NASP: variants seen among roughly 807,000 people sequenced by gnomAD.
The protein encoded by NASP is nuclear autoantigenic sperm protein.
NASP carries 24 observed loss-of-function variants against 89.5 expected under a neutral mutation model. That is an observed-to-expected ratio of 0.27 (90% confidence interval 0.19 to 0.38). NASP has a LOEUF of 0.38. Ranked by LOEUF, NASP falls within the 10% of genes least tolerant of loss-of-function variation. The pLI is 1.00. For synonymous variants in NASP, 306 were observed against 324.7 expected (o/e 0.94, Z 0.62); for missense variants, 848 against 921.4 (o/e 0.92, Z 1.03).
At chr1:45,616,577 T>C (rs765711462) in intron 12 of NASP, 49 bp from the exon 13 acceptor site, 10 of 1,577,638 alleles carry the variant, frequency 6.3e-6, no homozygotes, top group East Asian at 2.2e-5. Context: ...AGCCTCAGCA[T>C]TGATCTCATA....
chr1:45,586,267 TGTGTGTGTGTGTGTGTG>T (rs1288022492), intron 1 of NASP, among the ~76,000 whole-genome samples: 42 of 59,594 alleles, frequency 7.0e-4, no homozygotes, highest in East Asian at 2.6e-3. Context: ...TGTGTGTGTG[TGTGTGTGTGTGTGTGTG>T]GTGTGTGTGT....
At chr1:45,585,124 C>G (rs1187037278) in intron 1 of NASP, among the ~76,000 whole-genome samples, 1 of 152,214 alleles carries the variant, frequency 6.6e-6, no homozygotes, top group Non-Finnish European at 1.5e-5. Flanking sequence ...GAAAGCGGCA[C>G]AGTGCCACTC....
At chr1:45,585,918 C>T (rs900828758) in intron 1 of NASP, among the ~76,000 whole-genome samples, 1 of 152,144 alleles carries the variant, frequency 6.6e-6, no homozygotes, top group African/African-American at 2.4e-5. Context: ...AGGTTACAGG[C>T]GTGAGGCACG....
At chr1:45,591,014 T>C (rs143468725) in intron 1 of NASP, among the ~76,000 whole-genome samples, 2 of 152,228 alleles carry the variant, frequency 1.3e-5, no homozygotes, top group Non-Finnish European at 2.9e-5. Context: ...GTTATAGCTG[T>C]GAAGTTGCCA....
chr1:45,591,070 T>G (rs963812533), intron 1 of NASP, among the ~76,000 whole-genome samples, 153 bp from the exon 2 acceptor site: 1 of 152,252 alleles, frequency 6.6e-6, no homozygotes, highest in Non-Finnish European at 1.5e-5. Context: ...ATTAAATGAA[T>G]TAAATTTGAT....
In NASP at chr1:45,586,298, T is replaced by TGTGTGTGTG. The variant is rs1557646720; in HGVS notation, c.59+2094_59+2102dup. Among the ~76,000 whole-genome samples the TGTGTGTGTG allele has an allele frequency of 1.9e-3, 186 of 96,636 alleles. 1 individual carries two copies. The highest frequency in any genetic ancestry group is 4.6e-3 in the African/African-American group (106 of 23,144). 63.4% of individuals were successfully genotyped at this position (96,636 alleles called of 152,430 possible). On this transcript the variant is annotated intron_variant, in intron 1 of 14. Transcript: ENST00000350030. ...TGTGTGTGTGTGGTGTGTGTGTGTGTGTGTGTGTGTGGTGTGTGTGTGTGT... is the reference window on the plus strand; with the variant it reads ...TGTGTGTGTGTGGTGTGTGTGTGTGTGTGTGTGTGGTGTGTGTGTGGTGTGTGTGTGTGT...
chr1:45,607,114 C>G (rs1215680645), intron 5 of NASP: 14 of 568,528 alleles, frequency 2.5e-5, no homozygotes, highest in Non-Finnish European at 3.7e-5. Context: ...CCTAGTGTAA[C>G]AAGCTTGGGT....
intron 2 of NASP, among the ~76,000 whole-genome samples, chr1:45,593,899 C>A (rs1643619347): frequency 2.0e-5 from 3 of 150,998 alleles, no homozygotes; most frequent in African/African-American, 7.3e-5. Flanking sequence ...CGTTGTGGCA[C>A]TTGCGTGTGG....
intron 13 of NASP, 77 bp downstream of exon 13, chr1:45,616,780 C>A: frequency 1.5e-6 from 2 of 1,345,348 alleles, no homozygotes; most frequent in Non-Finnish European, 2.1e-6. Flanking sequence ...AAACCCCTCC[C>A]TATAGTTGGT....
chr1:45,607,740 G>T lies in NASP; in HGVS notation c.829G>T (p.Val277Phe). The T allele has an allele frequency of 6.2e-7, 1 of 1,614,144 alleles. No homozygotes were observed. Among genetic ancestry groups the T allele is most frequent in the South Asian group, 1.1e-5 (1 of 91,084 alleles). The change falls in exon 6 of 15, where the codon GTT becomes TTT. Residue 277 changes from valine (V) to phenylalanine (F), a missense_variant. By Grantham distance (50) the Val-to-Phe change is conservative. Transcript: ENST00000350030. ...GAGCATAGAGGAGAAGCCAAAAGAA[G>T]TTTCAGAAGAGCAGCCTGTGGTGAC... ...IVSIEEKPKE[V>F]SEEQPVVTLE...
At position 45,608,056 on chromosome 1, in the gene NASP, G is replaced by T. The variant is rs1643940555; in HGVS notation, c.1145G>T (p.Gly382Val). 1 of 1,614,016 alleles carries T rather than the reference G, an allele frequency of 6.2e-7. No homozygotes were observed. Among genetic ancestry groups the T allele is most frequent in the Non-Finnish European group, 8.5e-7 (1 of 1,179,890 alleles). ...PVLPKDGAVNGPSVVGDQTPI... is the reference protein window; with the variant it reads ...PVLPKDGAVNVPSVVGDQTPI... ...CTCCCTAAGGATGGTGCAGTCAATG[G>T]ACCGTCAGTTGTAGGAGATCAGACT... The change falls in exon 6 of 15, where the codon GGA (glycine) becomes GTA (valine). Residue 382 changes from glycine to valine, a missense_variant. By Grantham distance (109) the Gly-to-Val change is moderately radical. Coordinates refer to ENST00000350030, the MANE Select transcript of NASP (RefSeq NM_002482.4).
At chr1:45,605,742 G>GT (rs1643899429) in intron 4 of NASP, 1 of 149,916 alleles carries the variant, frequency 6.7e-6, no homozygotes, top group Non-Finnish European at 1.5e-5. Context: ...GATTACAGGC[G>GT]TGAGTCACTG....
In NASP at chr1:45,609,378, A is replaced by G. The variant is rs1267969076; in HGVS notation, c.1426+1041A>G. On this transcript the variant is annotated intron_variant, in intron 6 of 14. Transcript: ENST00000350030. ...CTTCTACCTATGTGCAGGTCCCTGT[A>G]CTCCAGCCAACACAGGCTCAGTAAC... 4 of 152,156 alleles carry G rather than the reference A, an allele frequency of 2.6e-5. No individual in the cohort carries two copies. In the South Asian group the frequency reaches 8.3e-4, roughly 32 times the overall value. 9.4% of individuals were successfully genotyped at this position (152,156 alleles called of 1,614,324 possible).
intron 1 of NASP, among the ~76,000 whole-genome samples, chr1:45,588,474 C>T (rs1008377568): frequency 1.2e-4 from 18 of 152,124 alleles, no homozygotes; most frequent in Non-Finnish European, 2.6e-4. Context: ...AGCCTGGTCT[C>T]AAACTCCTAG....
rs781103332 is a variant in NASP, at chr1:45,617,595, G to A, written c.2286+4G>A. The A allele has an allele frequency of 1.3e-5, 20 of 1,582,062 alleles. No homozygotes were observed. In the East Asian group the frequency reaches 4.0e-4, roughly 32 times the overall value. ...TTCGGAAAACATGGAGGAGGAGGTG[G>A]GCAGTTAAGCAGGGCTTAGCCTCTT... On this transcript the variant is annotated splice_donor_region_variant and intron_variant, in intron 14 of 14. Transcript: ENST00000350030.
At chr1:45,602,185 AATGTAGCAGGTAT>A in intron 2 of NASP, 57 bp from the exon 3 acceptor site, 1 of 1,530,136 alleles carries the variant, frequency 6.5e-7, no homozygotes, top group Admixed American at 2.1e-5. Flanking sequence ...CTATTGCTCA[AATGTAGCAGGTAT>A]TCAAAAAATA....
At chr1:45,606,982 C>G (rs943823568) in intron 5 of NASP, among the ~76,000 whole-genome samples, 7 of 151,906 alleles carry the variant, frequency 4.6e-5, no homozygotes, top group Admixed American at 1.3e-4. Flanking sequence ...TTTATGTGTG[C>G]GAAAATTATA....
chr1:45,595,639 T>C lies in NASP; in HGVS notation c.107+4369T>C, dbSNP rs75345807. On this transcript the variant is annotated intron_variant, in intron 2 of 14. Transcript: ENST00000350030. ...TGCCTTTTTGACCACTGGCAGTGATTGTGCAAAAGTAATGGTGGATAAACC... is the reference window on the plus strand; with the variant it reads ...TGCCTTTTTGACCACTGGCAGTGATCGTGCAAAAGTAATGGTGGATAAACC... Among the ~76,000 whole-genome samples, 85 of 152,338 alleles carry C rather than the reference T, an allele frequency of 5.6e-4. No homozygotes were observed. In the East Asian group the frequency reaches 0.013, roughly 23 times the overall value.
intron 1 of NASP, chr1:45,588,718 C>A (rs1363210679): frequency 5.0e-6 from 2 of 398,038 alleles, no homozygotes; most frequent in Non-Finnish European, 9.9e-6. Flanking sequence ...GTGGGCAGAT[C>A]ACGAGGTCAG....
Sources: allele counts gnomAD v4.1 joint callset (sites outside exome capture counted in the v4.1 genomes callset), GRCh38; gene constraint gnomAD v4.1.1; transcripts MANE v1.5; gene names NCBI Gene and HGNC (gene_info 2026-07-23, HGNC 2026-07-21).